Variants in NDST4 observed in about 807,000 individuals in gnomAD.
The protein encoded by NDST4 is N-heparan sulfate sulfotransferase 4.
Under a neutral mutation model 100.8 loss-of-function variants are expected in NDST4, and 63 were observed. That is an observed-to-expected ratio of 0.62 (90% CI 0.51 to 0.77). The LOEUF is 0.77. NDST4 is among the 30% of genes least tolerant of loss of function. NDST4 has a pLI of 0.00. For missense variants in NDST4, 943 were observed against 1,018.4 expected, an observed-to-expected ratio of 0.93 and a Z score of 1.01; for synonymous variants, 377 against 361.8, an observed-to-expected ratio of 1.04 and a Z score of -0.48.
At chr4:115,020,071 G>C (rs1019412217) in intron 2 of NDST4, among the ~76,000 whole-genome samples, 1 of 152,092 alleles carries the variant, frequency 6.6e-6, no homozygotes, top group African/African-American at 2.4e-5. Flanking sequence ...ACGGATACAG[G>C]TTAGAAGAAT....
rs574925893 is a variant in NDST4 at position 114,848,161 on chromosome 4, G to T, written c.1940+54C>A. ...CCACACATACATCTGTAATTGCTCT[G>T]CAGTGATTGAGCATGTGTTAATAAT... On this transcript the variant is annotated intron_variant, in intron 9 of 13. Coordinates refer to ENST00000264363, the MANE Select transcript of NDST4 (RefSeq NM_022569.3). 2.7e-6 allele frequency: 4 copies of T among 1,464,380 alleles called. No homozygotes were observed. The African/African-American group carries it at 5.6e-5, about 21-fold the overall frequency. The allele number at this position is 1,464,380 out of a possible 1,614,324, so 90.7% of individuals were successfully genotyped here. A position where few individuals can be genotyped will look rare whatever the true frequency, so the allele number is the denominator to read the frequency against.
At chr4:114,991,871 C>T in intron 2 of NDST4, among the ~76,000 whole-genome samples, 1 of 152,004 alleles carries the variant, frequency 6.6e-6, no homozygotes, top group East Asian at 1.9e-4. Context: ...TAAAATTTAA[C>T]CTAATTCTAA....
At chr4:114,874,327 GA>G (rs35645731) in intron 6 of NDST4, among the ~76,000 whole-genome samples, 1 of 151,684 alleles carries the variant, frequency 6.6e-6, no homozygotes, top group Non-Finnish European at 1.5e-5. Context: ...TTGTTTGATG[GA>G]AAAAAAAGCT....
At chr4:115,023,102 G>C (rs984323482) in intron 2 of NDST4, among the ~76,000 whole-genome samples, 2 of 152,076 alleles carry the variant, frequency 1.3e-5, no homozygotes, top group South Asian at 4.1e-4. Flanking sequence ...GGGTGGGAAG[G>C]GGGTGAGGGC....
At chr4:114,932,300 C>T (rs190536990) in intron 6 of NDST4, among the ~76,000 whole-genome samples, 1 of 151,834 alleles carries the variant, frequency 6.6e-6, no homozygotes, top group Non-Finnish European at 1.5e-5. Flanking sequence ...ATTCAACATC[C>T]ATTCATGATA....
intron 1 of NDST4, among the ~76,000 whole-genome samples, chr4:115,093,331 T>G (rs62315318): frequency 2.0e-5 from 3 of 151,862 alleles, no homozygotes; most frequent in Admixed American, 6.6e-5. Context: ...AAAAGTTAGC[T>G]GGGCGTGGTG....
chr4:114,849,478 A>G (rs900513204), intron 8 of NDST4, among the ~76,000 whole-genome samples: 8 of 152,212 alleles, frequency 5.3e-5, no homozygotes. Context: ...TTTTGTTCAC[A>G]TATACCTTAA....
intron 4 of NDST4, among the ~76,000 whole-genome samples, chr4:114,945,046 C>T (rs374053131): frequency 2.0e-5 from 3 of 151,824 alleles, no homozygotes; most frequent in Non-Finnish European, 4.4e-5. Context: ...CCTGTCTCTA[C>T]TAAAAATACA....
At chr4:114,896,370 T>A (rs1366164178) in intron 6 of NDST4, among the ~76,000 whole-genome samples, 3 of 152,092 alleles carry the variant, frequency 2.0e-5, no homozygotes, top group Non-Finnish European at 4.4e-5. Flanking sequence ...ACGCCTGTAA[T>A]CCCAGCACTT....
At chr4:115,073,988 G>A (rs1427834143) in intron 2 of NDST4, among the ~76,000 whole-genome samples, 1 of 151,568 alleles carries the variant, frequency 6.6e-6, no homozygotes, top group Admixed American at 6.6e-5. Flanking sequence ...CAACAAAAGA[G>A]GCAGTAAAGA....
rs77711427 is a variant in NDST4, at chr4:115,070,677, A to G, written c.978+5382T>C. ...AAAGGACATTGATTTTTATCTCAGTAGCATTGGTTGGAGAAGAGAATGATA... is the reference window on the plus strand; with the variant it reads ...AAAGGACATTGATTTTTATCTCAGTGGCATTGGTTGGAGAAGAGAATGATA... On this transcript the variant is annotated intron_variant, in intron 2 of 13. Coordinates refer to ENST00000264363, the MANE Select transcript of NDST4 (RefSeq NM_022569.3). 3.5e-3 allele frequency among the ~76,000 whole-genome samples: 532 copies of G among 152,312 alleles called. 3 individuals are homozygous for G. Among genetic ancestry groups the G allele is most frequent in the African/African-American group, 0.012 (506 of 41,566 alleles).
intron 6 of NDST4, among the ~76,000 whole-genome samples, chr4:114,894,056 T>A (rs968008048): frequency 1.3e-5 from 2 of 152,004 alleles, no homozygotes; most frequent in African/African-American, 4.8e-5. Context: ...TGTAGATGAG[T>A]AGTGTTATTT....
chr4:114,865,844 T>C (rs1265766415), intron 7 of NDST4, among the ~76,000 whole-genome samples: 2 of 152,144 alleles, frequency 1.3e-5, no homozygotes, highest in African/African-American at 4.8e-5. Context: ...CCTCATATAA[T>C]CAAAATGTTG....
chr4:115,068,767 G>C (rs1729006587), intron 2 of NDST4, among the ~76,000 whole-genome samples: 1 of 143,678 alleles, frequency 7.0e-6, no homozygotes, highest in Admixed American at 7.2e-5. Flanking sequence ...AGTGAGCCCA[G>C]ATTGCACCAC....
intron 2 of NDST4, among the ~76,000 whole-genome samples, chr4:115,049,735 T>C (rs923124571): frequency 1.3e-5 from 2 of 152,080 alleles, no homozygotes; most frequent in African/African-American, 4.8e-5. Context: ...ATTTGGATGA[T>C]GAGGGCCAGT....
chr4:114,892,455 A>G (rs1226592766), intron 6 of NDST4, among the ~76,000 whole-genome samples: 1 of 152,130 alleles, frequency 6.6e-6, no homozygotes, highest in Non-Finnish European at 1.5e-5. Flanking sequence ...TAAGAAATGT[A>G]AAATGTTATC....
At chr4:114,988,349 TATC>T (rs1726957716) in intron 2 of NDST4, among the ~76,000 whole-genome samples, 1 of 140,962 alleles carries the variant, frequency 7.1e-6, no homozygotes, top group Non-Finnish European at 1.5e-5. Context: ...CAGATACACA[TATC>T]TTTTTTTTTT....
chr4:114,839,353 G>T (rs375479363), intron 11 of NDST4, 25 bp downstream of exon 11: 1 of 1,581,162 alleles, frequency 6.3e-7, no homozygotes, highest in Non-Finnish European at 8.6e-7. Context: ...AAAATAAACA[G>T]AAGAAAGTAA....
intron 11 of NDST4, among the ~76,000 whole-genome samples, chr4:114,835,138 TA>T (rs1578333496): frequency 6.6e-6 from 1 of 152,174 alleles, no homozygotes; most frequent in African/African-American, 2.4e-5. Flanking sequence ...TTTCTAATTT[TA>T]GTTATTTCTT....
Sources: gnomAD v4.1 joint callset for allele counts (sites outside exome capture counted in the v4.1 genomes callset) on GRCh38, gnomAD v4.1.1 for gene constraint, MANE v1.5 for transcripts, NCBI Gene and HGNC (gene_info 2026-07-23, HGNC 2026-07-21) for gene names.